The following PLEKHO2 variants were observed in gnomAD, a reference collection of about 807,000 sequenced individuals.
PLEKHO2 encodes pleckstrin homology domain-containing family O member 2.
PLEKHO2 carries 20 observed loss-of-function variants against 32.7 expected under a neutral mutation model. The observed-to-expected ratio is 0.61, with a 90% CI of 0.43 to 0.89. The LOEUF (loss-of-function observed/expected upper bound fraction) is 0.89. Ranked by LOEUF, PLEKHO2 falls within the 40% of genes least tolerant of loss-of-function variation. The probability of loss-of-function intolerance (pLI) is 0.00; values close to 1 mark genes in which losing one functional copy is unlikely to be tolerated. For synonymous variants in PLEKHO2, 247 were observed against 246.3 expected (o/e 1.00, Z -0.03); for missense variants, 568 against 621.2 (o/e 0.91, Z 0.91).
rs1383238277 is a variant in PLEKHO2 at position 64,865,369 on chromosome 15, A to G, written c.954A>G (p.Ser318=). The part of the protein sequence containing the change: ...KPPTPPPKIL[S]EKLKASMGEM... ...CTACACCCCCACCCAAGATCTTATC[A>G]GAGAAACTGAAAGCCTCCATGGGTG... Residue 318 remains serine (S), a synonymous_variant, in exon 6 of 6, where the codon TCA becomes TCG. Coordinates refer to ENST00000323544, the MANE Select transcript of PLEKHO2 (RefSeq NM_025201.5). The G allele has an allele frequency of 3.1e-6, 5 of 1,613,762 alleles. No homozygotes were observed. In the South Asian group the frequency reaches 4.4e-5, roughly 14 times the overall value.
intron 5 of PLEKHO2, among the ~76,000 whole-genome samples, chr15:64,863,751 T>C (rs908731038): frequency 6.6e-6 from 1 of 150,770 alleles, no homozygotes; most frequent in Non-Finnish European, 1.5e-5. Flanking sequence ...GACCCCCTTT[T>C]TTTTTTTTTG....
chr15:64,847,890 A>G (rs1037408026), intron 1 of PLEKHO2, among the ~76,000 whole-genome samples: 3 of 152,308 alleles, frequency 2.0e-5, no homozygotes, highest in African/African-American at 7.2e-5. Context: ...GCATAGCGGT[A>G]GAGAGGCAGA....
intron 2 of PLEKHO2, 58 bp downstream of exon 2, chr15:64,848,800 A>T (rs942638246): frequency 1.2e-6 from 2 of 1,606,126 alleles, no homozygotes; most frequent in Non-Finnish European, 1.7e-6. Context: ...AAGTGAGGGC[A>T]TTCAAGTTAG....
intron 1 of PLEKHO2, among the ~76,000 whole-genome samples, 159 bp from the exon 2 acceptor site, chr15:64,848,433 TG>T (rs1276133366): frequency 6.6e-6 from 1 of 152,220 alleles, no homozygotes; most frequent in Non-Finnish European, 1.5e-5. Flanking sequence ...GCTCTGATCC[TG>T]GGTTAGGAAT....
Position 64,861,560 on chromosome 15 carries a change from A to G in PLEKHO2, c.468A>G (p.Arg156=). 6.2e-7 allele frequency: 1 copy of G among 1,604,342 alleles called. No individual in the cohort carries two copies. The highest frequency in any genetic ancestry group is 8.5e-7 in the Non-Finnish European group (1 of 1,176,356). ...RGGQRRRPPT[R]VHLKEVASAA... is the part of the protein sequence containing the mutation. ...GCCAGCGACGCCGGCCACCAACGAG[A>G]GTCCACCTGAAGGAGGTAGGGCCTT... The change falls in exon 5 of 6, where the codon AGA becomes AGG. Residue 156 remains arginine (R), a synonymous_variant. Transcript: ENST00000323544.
chr15:64,848,209 C>T (rs1451431175), intron 1 of PLEKHO2, among the ~76,000 whole-genome samples: 1 of 152,192 alleles, frequency 6.6e-6, no homozygotes, highest in Non-Finnish European at 1.5e-5. Flanking sequence ...AACGTGGGGT[C>T]AGAGAGACCT....
intron 5 of PLEKHO2, among the ~76,000 whole-genome samples, chr15:64,862,879 A>AGTT (rs2084652551): frequency 6.6e-6 from 1 of 151,382 alleles, no homozygotes; most frequent in African/African-American, 2.4e-5. Flanking sequence ...TGCACCCATT[A>AGTT]ACTCGTCATT....
rs917420066 is a variant in PLEKHO2, at chr15:64,849,606, G to A, written c.162+864G>A. On this transcript the variant is annotated intron_variant, in intron 2 of 5. Coordinates refer to ENST00000323544, the MANE Select transcript of PLEKHO2 (RefSeq NM_025201.5). ...TCACATGCGTCAGCTACCACACCCGGCTAATTTTGTATTTTTAGTAGAGAC... is the reference window on the plus strand; with the variant it reads ...TCACATGCGTCAGCTACCACACCCGACTAATTTTGTATTTTTAGTAGAGAC... Among the ~76,000 whole-genome samples the A allele has an allele frequency of 1.7e-4, 26 of 150,358 alleles. 1 individual carries two copies. In the Admixed American group the frequency reaches 1.7e-3, roughly 10 times the overall value.
At chr15:64,857,247 T>C (rs1395770922) in intron 3 of PLEKHO2, among the ~76,000 whole-genome samples, 1 of 152,262 alleles carries the variant, frequency 6.6e-6, no homozygotes, top group Non-Finnish European at 1.5e-5. Context: ...GCAGTGCCTA[T>C]GTCCCTGGGG....
intron 1 of PLEKHO2, among the ~76,000 whole-genome samples, chr15:64,842,967 C>T (rs2084496397): frequency 2.6e-5 from 4 of 152,212 alleles, no homozygotes; most frequent in Admixed American, 2.6e-4. Context: ...TGAGGGGGTC[C>T]CAGCTTCAGC....
chr15:64,848,498 T>C, intron 1 of PLEKHO2, 95 bp from the exon 2 acceptor site: 3 of 1,431,024 alleles, frequency 2.1e-6, no homozygotes. Flanking sequence ...ATTAGGTACT[T>C]AGCCTAGGGA....
intron 2 of PLEKHO2, among the ~76,000 whole-genome samples, chr15:64,852,385 G>A (rs2084575552): frequency 1.3e-5 from 2 of 152,194 alleles, no homozygotes; most frequent in South Asian, 4.1e-4. Context: ...ATTTAACCTG[G>A]TTGGGAGAGA....
intron 5 of PLEKHO2, among the ~76,000 whole-genome samples, chr15:64,863,526 TG>T (rs2084658610): frequency 2.1e-5 from 3 of 140,650 alleles, no homozygotes; most frequent in African/African-American, 8.0e-5. Flanking sequence ...TGTTTGTGTG[TG>T]TGTGTGTGTG....
intron 5 of PLEKHO2, among the ~76,000 whole-genome samples, chr15:64,864,022 C>T (rs1199340045): frequency 3.3e-5 from 5 of 152,212 alleles, no homozygotes; most frequent in African/African-American, 7.2e-5. Context: ...GGATTATAGG[C>T]GTGAGCCACT....
chr15:64,853,570 A>G (rs1184059367), intron 2 of PLEKHO2, among the ~76,000 whole-genome samples: 1 of 152,070 alleles, frequency 6.6e-6, no homozygotes, highest in African/African-American at 2.4e-5. Context: ...CTGGGATTAC[A>G]GGTGTGAGCC....
At chr15:64,853,845 A>G (rs1446153842) in intron 2 of PLEKHO2, among the ~76,000 whole-genome samples, 2 of 152,228 alleles carry the variant, frequency 1.3e-5, no homozygotes, top group Non-Finnish European at 1.5e-5. Context: ...AAAATGAGGC[A>G]GATATGGGGC....
rs377564449 is a variant in PLEKHO2 at position 64,859,953 on chromosome 15, C to G, written c.339C>G (p.Ala113=). Residue 113 remains alanine (A), a synonymous_variant, in exon 4 of 6, where the codon GCC becomes GCG. Coordinates refer to ENST00000323544, the MANE Select transcript of PLEKHO2 (RefSeq NM_025201.5). ...AGGAGAAGGAATCCTGGATCAAAGCCCTCAATGAAGGGATTAACCGAGGCA... is the reference window on the plus strand; with the variant it reads ...AGGAGAAGGAATCCTGGATCAAAGCGCTCAATGAAGGGATTAACCGAGGCA... ...TGEEKESWIK[A]LNEGINRGKN... 6.8e-6 allele frequency: 11 copies of G among 1,614,076 alleles called. No homozygotes were observed. The African/African-American group carries it at 1.2e-4, about 18-fold the overall frequency.
intron 2 of PLEKHO2, among the ~76,000 whole-genome samples, chr15:64,850,217 A>G (rs1829612438): frequency 1.3e-5 from 2 of 152,138 alleles, no homozygotes; most frequent in South Asian, 4.1e-4. Context: ...ATGCTCTTAC[A>G]TATCTCCCTA....
chr15:64,852,360 G>C (rs2084575417), intron 2 of PLEKHO2, among the ~76,000 whole-genome samples: 1 of 152,174 alleles, frequency 6.6e-6, no homozygotes, highest in African/African-American at 2.4e-5. Flanking sequence ...AAGCAAAAAT[G>C]AGAAAAGATA....
Sources: allele counts gnomAD v4.1 joint callset (sites outside exome capture counted in the v4.1 genomes callset), GRCh38; gene constraint gnomAD v4.1.1; transcripts MANE v1.5; gene names NCBI Gene and HGNC (gene_info 2026-07-23, HGNC 2026-07-21).